Variants in PRKG1 observed in about 807,000 individuals in gnomAD.
PRKG1 encodes protein kinase cGMP-dependent 1.
PRKG1 carries 35 observed loss-of-function variants against 88.1 expected under a neutral mutation model. That is an observed-to-expected ratio of 0.40 (90% confidence interval 0.30 to 0.53). PRKG1 has a LOEUF of 0.53. PRKG1 is among the 20% of genes least tolerant of loss of function. The pLI is 0.59. For missense variants in PRKG1, 540 were observed against 839.8 expected (o/e 0.64, Z 4.41); for synonymous variants, 303 against 292.5 (o/e 1.04, Z -0.37).
intron 1 of PRKG1, among the ~76,000 whole-genome samples, chr10:51,002,349 T>G (rs1158549315): frequency 6.6e-6 from 1 of 152,172 alleles, no homozygotes; most frequent in Non-Finnish European, 1.5e-5. Flanking sequence ...GATTCTAGAA[T>G]GTAATTAATT....
chr10:51,685,598 T>C (rs1399090902), intron 3 of PRKG1, among the ~76,000 whole-genome samples: 1 of 152,318 alleles, frequency 6.6e-6, no homozygotes, highest in South Asian at 2.1e-4. Flanking sequence ...AAAATGCCTA[T>C]TGGAATTAAA....
chr10:52,057,765 T>C (rs903090798), intron 6 of PRKG1, among the ~76,000 whole-genome samples: 6 of 152,178 alleles, frequency 3.9e-5, no homozygotes, highest in African/African-American at 1.4e-4. Flanking sequence ...CAATTAAATA[T>C]GTTGCCTTAA....
intron 5 of PRKG1, among the ~76,000 whole-genome samples, chr10:51,989,699 A>C (rs1056927341): frequency 2.0e-5 from 3 of 152,180 alleles, no homozygotes; most frequent in African/African-American, 7.2e-5. Flanking sequence ...TGTCATGAAC[A>C]TAGGAACAAT....
chr10:51,794,075 T>C (rs1047200645), intron 3 of PRKG1, among the ~76,000 whole-genome samples: 8 of 152,156 alleles, frequency 5.3e-5, no homozygotes, highest in Non-Finnish European at 7.4e-5. Context: ...ATAAAATACA[T>C]TTTAAGTCAA....
At chr10:51,971,673 T>G (rs375634639) in intron 5 of PRKG1, among the ~76,000 whole-genome samples, 17 of 152,148 alleles carry the variant, frequency 1.1e-4, no homozygotes, top group African/African-American at 4.1e-4. Flanking sequence ...AAGTTGCTCT[T>G]GTTATACAGT....
chr10:51,100,851 G>C (rs1301691763), intron 1 of PRKG1, among the ~76,000 whole-genome samples: 1 of 152,182 alleles, frequency 6.6e-6, no homozygotes, highest in Non-Finnish European at 1.5e-5. Context: ...ATACTCTGGG[G>C]AGATTAGCCC....
intron 2 of PRKG1, among the ~76,000 whole-genome samples, chr10:51,270,044 C>A (rs543542312): frequency 1.3e-5 from 2 of 152,236 alleles, no homozygotes; most frequent in East Asian, 3.9e-4. Flanking sequence ...CTGTCTGTAA[C>A]CAATAACTAC....
intron 5 of PRKG1, among the ~76,000 whole-genome samples, chr10:52,037,821 T>C (rs1321388373): frequency 2.6e-5 from 4 of 151,372 alleles, no homozygotes; most frequent in African/African-American, 9.7e-5. Flanking sequence ...AGGAGCAGCC[T>C]GGGGAGGAAG....
intron 1 of PRKG1, among the ~76,000 whole-genome samples, chr10:51,022,440 C>T (rs1843151360): frequency 6.6e-6 from 1 of 152,188 alleles, no homozygotes; most frequent in South Asian, 2.1e-4. Flanking sequence ...TTTCTCTTTC[C>T]TTCCAGGTCT....
At chr10:51,941,162 T>C (rs1842898969) in intron 5 of PRKG1, among the ~76,000 whole-genome samples, 1 of 151,982 alleles carries the variant, frequency 6.6e-6, no homozygotes, top group African/African-American at 2.4e-5. Flanking sequence ...CATATATGTA[T>C]GGTTTAGGGA....
intron 2 of PRKG1, among the ~76,000 whole-genome samples, chr10:51,193,462 G>A (rs1837682622): frequency 6.6e-6 from 1 of 151,880 alleles, no homozygotes; most frequent in Admixed American, 6.6e-5. Flanking sequence ...TTTTATATTA[G>A]AAATTAATGA....
At chr10:51,821,995 C>G (rs1340952929) in intron 4 of PRKG1, among the ~76,000 whole-genome samples, 4 of 152,020 alleles carry the variant, frequency 2.6e-5, no homozygotes, top group Admixed American at 2.0e-4. Flanking sequence ...GAAGAGATAT[C>G]TGCACTCCAT....
intron 3 of PRKG1, among the ~76,000 whole-genome samples, chr10:51,546,515 C>G (rs1455155586): frequency 6.6e-6 from 1 of 151,966 alleles, no homozygotes; most frequent in African/African-American, 2.4e-5. Context: ...TGTAATTGGT[C>G]TTTATTTAAA....
chr10:51,852,459 A>G (rs73333406), intron 4 of PRKG1, among the ~76,000 whole-genome samples: 5,299 of 152,032 alleles, frequency 0.035, 334 homozygotes, highest in African/African-American at 0.12. Flanking sequence ...TTGCTAACAT[A>G]TAACCAAGCA....
chr10:51,321,333 A>G (rs922716765), intron 2 of PRKG1, among the ~76,000 whole-genome samples: 3 of 152,202 alleles, frequency 2.0e-5, no homozygotes, highest in African/African-American at 7.2e-5. Flanking sequence ...TTAGGAATGA[A>G]ACATGCTTTG....
intron 5 of PRKG1, among the ~76,000 whole-genome samples, chr10:51,949,878 C>G (rs1472614254): frequency 6.6e-6 from 1 of 152,094 alleles, no homozygotes; most frequent in Non-Finnish European, 1.5e-5. Flanking sequence ...TAAGCATTTC[C>G]AGATACATTG....
intron 9 of PRKG1, among the ~76,000 whole-genome samples, chr10:52,188,257 TATATAC>T (rs1564509029): frequency 3.2e-4 from 4 of 12,406 alleles, no homozygotes; most frequent in South Asian, 4.0e-3. Context: ...TATGTGTATA[TATATAC>T]ATATGTATAT....
At chr10:51,970,570 T>A (rs1589469026) in intron 5 of PRKG1, among the ~76,000 whole-genome samples, 1 of 150,776 alleles carries the variant, frequency 6.6e-6, no homozygotes, top group Non-Finnish European at 1.5e-5. Context: ...CATCAACTTT[T>A]ATTTTTTTAT....
intron 5 of PRKG1, among the ~76,000 whole-genome samples, chr10:52,034,079 G>A (rs1487823036): frequency 2.0e-5 from 3 of 151,860 alleles, no homozygotes; most frequent in Non-Finnish European, 4.4e-5. Flanking sequence ...GTGGTGGAAT[G>A]TCATCAGTTA....
Sources: allele counts gnomAD v4.1 joint callset (sites outside exome capture counted in the v4.1 genomes callset), GRCh38; gene constraint gnomAD v4.1.1; transcripts MANE v1.5; gene names NCBI Gene and HGNC (gene_info 2026-07-23, HGNC 2026-07-21).